Variants in PTPRU observed in about 807,000 individuals in gnomAD.
PTPRU encodes the protein receptor-type tyrosine-protein phosphatase U.
In PTPRU, 69 loss-of-function variants were observed where a neutral mutation model predicts 166.3. That is an observed-to-expected ratio of 0.41 (90% CI 0.34 to 0.51). The LOEUF is 0.51. Ranked by LOEUF, PTPRU falls within the 20% of genes least tolerant of loss-of-function variation. The pLI, the probability that PTPRU is intolerant of heterozygous loss-of-function variation, is 0.09. For missense variants in PTPRU, 1,657 were observed against 2,013.7 expected (o/e 0.82, Z 3.39); for synonymous variants, 793 against 814.0 (o/e 0.97, Z 0.44).
intron 14 of PTPRU, among the ~76,000 whole-genome samples, chr1:29,288,976 A>T (rs1686491511): frequency 6.6e-6 from 1 of 152,100 alleles, no homozygotes; most frequent in South Asian, 2.1e-4. Flanking sequence ...CCTTTAGTGG[A>T]TCCCACACCC....
intron 1 of PTPRU, among the ~76,000 whole-genome samples, chr1:29,252,605 A>G (rs1036343805): frequency 2.6e-5 from 4 of 152,096 alleles, no homozygotes; most frequent in Non-Finnish European, 5.9e-5. Context: ...CATCATCCGC[A>G]TCACCGCCTA....
rs1324101362 is a variant in PTPRU at position 29,315,113 on chromosome 1, G to T, written c.3228-259G>T. Among the ~76,000 whole-genome samples, 3 of 152,154 alleles carry T rather than the reference G, an allele frequency of 2.0e-5. No individual in the cohort carries two copies. The highest frequency in any genetic ancestry group is 4.4e-5 in the Non-Finnish European group (3 of 68,012). The stretch of plus-strand genomic sequence containing the variant: ...AATCTTAAGTTGCTAGGTTGAGCCA[G>T]TGTCACCTTTGCATTCTCCCCACCC... On this transcript the variant is annotated intron_variant, in intron 22 of 29. Coordinates refer to ENST00000373779, the MANE Select transcript of PTPRU (RefSeq NM_133178.4). The surrounding 1 kb of genome is among the most constrained non-coding windows in gnomAD (Gnocchi z 4.5).
At chr1:29,322,639 G>A (rs182111591) in intron 26 of PTPRU, among the ~76,000 whole-genome samples, 1 of 152,144 alleles carries the variant, frequency 6.6e-6, no homozygotes, top group South Asian at 2.1e-4. Flanking sequence ...TGATGAGCAC[G>A]GTGTCTTTTT....
chr1:29,283,815 C>T, intron 12 of PTPRU, 125 bp from the exon 13 acceptor site: 3 of 1,166,498 alleles, frequency 2.6e-6, no homozygotes, highest in South Asian at 2.7e-5. Flanking sequence ...GGTGGGGTGT[C>T]CCTTGATGCC....
intron 26 of PTPRU, among the ~76,000 whole-genome samples, chr1:29,322,052 C>T (rs1348184511): frequency 6.6e-6 from 1 of 152,208 alleles, no homozygotes; most frequent in Non-Finnish European, 1.5e-5. Context: ...TCTTAATGGC[C>T]TCCTTGAGAA....
At chr1:29,312,470 T>A in intron 21 of PTPRU, 82 bp from the exon 22 acceptor site, 1 of 1,311,012 alleles carries the variant, frequency 7.6e-7, no homozygotes, top group Non-Finnish European at 1.0e-6. Context: ...AGATGCTTAC[T>A]GCAGTGCCTG....
At chr1:29,287,824 A>AT (rs1686430860) in intron 14 of PTPRU, among the ~76,000 whole-genome samples, 1 of 147,886 alleles carries the variant, frequency 6.8e-6, no homozygotes, top group African/African-American at 2.5e-5. Flanking sequence ...GTATGTATGT[A>AT]TTTTTTGAGA....
intron 14 of PTPRU, 25 bp downstream of exon 14, chr1:29,284,894 C>T (rs1686272450): frequency 1.3e-6 from 2 of 1,590,974 alleles, no homozygotes; most frequent in Middle Eastern, 1.7e-4. Context: ...TGCCCTGTCC[C>T]ACCAGTGGCT....
At chr1:29,295,353 T>G (rs1373063857) in intron 15 of PTPRU, among the ~76,000 whole-genome samples, 1 of 152,134 alleles carries the variant, frequency 6.6e-6, no homozygotes, top group Non-Finnish European at 1.5e-5. Context: ...CTAATTCTCT[T>G]TGTTATAAAT....
rs1199318170 is a variant in PTPRU at position 29,312,667 on chromosome 1, C to A, written c.3188C>A (p.Ser1063Tyr). 5.5e-5 allele frequency: 88 copies of A among 1,610,356 alleles called. No homozygotes were observed. The highest frequency in any genetic ancestry group is 7.5e-5 in the Non-Finnish European group (88 of 1,177,436). The change falls in exon 22 of 30, where the codon TCC becomes TAC. Residue 1063 changes from serine to tyrosine, a missense_variant. Ser to Tyr is a moderately radical substitution (Grantham distance 144). Around this residue, in one of 3 missense-constraint regions of PTPRU, gnomAD observed 1,190 missense variants for 1,477.4 expected, o/e 0.81. Coordinates refer to ENST00000373779, the MANE Select transcript of PTPRU (RefSeq NM_133178.4). The part of the protein sequence containing the change: ...LLAFIRRVKA[S>Y]TPPDAGPIVI... ...GCTTTCATCCGGCGCGTGAAGGCCT[C>A]CACCCCACCTGATGCCGGGCCCATT... is the stretch of plus-strand genomic sequence containing the variant.
intron 15 of PTPRU, among the ~76,000 whole-genome samples, chr1:29,302,845 G>T (rs756208360): frequency 6.6e-6 from 1 of 152,122 alleles, no homozygotes; most frequent in African/African-American, 2.4e-5. Context: ...CACCACACCC[G>T]GCCCATTTAT....
At position 29,305,408 on chromosome 1, in the gene PTPRU, A is replaced by C; in HGVS notation, c.2800A>C (p.Ile934Leu). ...PMLGDPNADY[I>L]NANYIDGYHR... is the part of the protein sequence containing the mutation. ...GCTGGGAGACCCCAATGCCGACTAC[A>C]TTAATGCCAACTACATAGATGTGAG... is the stretch of plus-strand genomic sequence containing the variant. Residue 934 changes from isoleucine to leucine, a missense_variant, in exon 18 of 30, where the codon ATT (isoleucine) becomes CTT (leucine). Transcript: ENST00000373779. 1.2e-6 allele frequency: 2 copies of C among 1,613,930 alleles called. No individual in the cohort carries two copies. The highest frequency in any genetic ancestry group is 1.7e-6 in the Non-Finnish European group (2 of 1,179,970).
At chr1:29,278,496 G>C (rs1321217959) in intron 8 of PTPRU, among the ~76,000 whole-genome samples, 1 of 152,192 alleles carries the variant, frequency 6.6e-6, no homozygotes, top group Non-Finnish European at 1.5e-5. Context: ...ATCTCTGGGT[G>C]ATACAATTGT....
chr1:29,315,760 C>T lies in PTPRU; in HGVS notation c.3364-242C>T, dbSNP rs939008861. ...ATTGCATCCTCAGTGGATGTGTGAC[C>T]GTGAGCTGTCCCCCACCTCTCAGAG... On this transcript the variant is annotated intron_variant, in intron 23 of 29. Transcript: ENST00000373779. This position sits in a 1 kb window ranked among gnomAD's most constrained non-coding sequence, Gnocchi z 4.5. Among the ~76,000 whole-genome samples, 39 of 152,212 alleles carry T rather than the reference C, an allele frequency of 2.6e-4. No homozygotes were observed. Among genetic ancestry groups the T allele is most frequent in the African/African-American group, 8.9e-4 (37 of 41,522 alleles).
chr1:29,304,869 C>G lies in PTPRU; in HGVS notation c.2743+20C>G. 1 of 1,599,938 alleles carries G rather than the reference C, an allele frequency of 6.3e-7. No homozygotes were observed. Among genetic ancestry groups the G allele is most frequent in the Non-Finnish European group, 8.6e-7 (1 of 1,168,544 alleles). On this transcript the variant is annotated intron_variant, in intron 17 of 29. Transcript: ENST00000373779. The stretch of plus-strand genomic sequence containing the variant: ...CTGCCTGTGAGTCCTGGGGAAGGGC[C>G]TGGGGTCCAGGGCAGTGGGTGGGAG...
chr1:29,296,077 A>G (rs1686869150), intron 15 of PTPRU, among the ~76,000 whole-genome samples: 2 of 152,214 alleles, frequency 1.3e-5, no homozygotes, highest in Admixed American at 1.3e-4. Flanking sequence ...GGATCTGTGA[A>G]TATCCTTTGC....
Position 29,304,061 on chromosome 1 carries a change from G to A in PTPRU, c.2667+16G>A, listed in dbSNP as rs368311896. ...GGAGTATGAGGTGCACGCCGGCCCCGGGCCAGCAGGATCCCTGCAGAGGCC... is the reference window on the plus strand; with the variant it reads ...GGAGTATGAGGTGCACGCCGGCCCCAGGCCAGCAGGATCCCTGCAGAGGCC... On this transcript the variant is annotated intron_variant, in intron 16 of 29. Coordinates refer to ENST00000373779, the MANE Select transcript of PTPRU (RefSeq NM_133178.4). The A allele has an allele frequency of 9.4e-6, 15 of 1,592,724 alleles. No individual in the cohort carries two copies. Among genetic ancestry groups the A allele is most frequent in the African/African-American group, 2.7e-5 (2 of 74,544 alleles).
intron 15 of PTPRU, among the ~76,000 whole-genome samples, chr1:29,296,316 T>G (rs936733293): frequency 6.6e-6 from 1 of 152,212 alleles, no homozygotes; most frequent in African/African-American, 2.4e-5. Flanking sequence ...TAGTTTTTAG[T>G]TTGCTGAGAG....
chr1:29,279,595 G>A lies in PTPRU; in HGVS notation c.1703G>A (p.Arg568Gln), dbSNP rs1418631649. The A allele has an allele frequency of 8.1e-6, 13 of 1,613,932 alleles. No homozygotes were observed. Among genetic ancestry groups the A allele is most frequent in the South Asian group, 2.2e-5 (2 of 91,088 alleles). Residue 568 changes from arginine (R) to glutamine (Q), a missense_variant, in exon 10 of 30, where the codon CGG (arginine) becomes CAG (glutamine). Arg to Gln is a conservative substitution (Grantham distance 43). Around this residue, in one of 3 missense-constraint regions of PTPRU, gnomAD observed 1,190 missense variants for 1,477.4 expected, o/e 0.81. Coordinates refer to ENST00000373779, the MANE Select transcript of PTPRU (RefSeq NM_133178.4). This position sits in a 1 kb window ranked among gnomAD's most constrained non-coding sequence, Gnocchi z 5.2. ...GGCACCACCTACCTGTTCTCCGTGCGGGCCCGCACAGGCAAAGGCTTCGGC... is the reference window on the plus strand; with the variant it reads ...GGCACCACCTACCTGTTCTCCGTGCAGGCCCGCACAGGCAAAGGCTTCGGC... The part of the protein sequence containing the change: ...HPGTTYLFSV[R>Q]ARTGKGFGQA...
Sources: allele counts gnomAD v4.1 joint callset (sites outside exome capture counted in the v4.1 genomes callset), GRCh38; gene constraint gnomAD v4.1.1; regional missense constraint gnomAD v4.1.1; non-coding constraint Gnocchi (gnomAD v3.1); transcripts MANE v1.5; gene names NCBI Gene and HGNC (gene_info 2026-07-23, HGNC 2026-07-21).